The following UNC80 variants were observed in gnomAD, a reference collection of about 807,000 sequenced individuals.
UNC80 encodes the protein protein unc-80 homolog.
UNC80 carries 164 observed loss-of-function variants against 384.6 expected under a neutral mutation model. The observed-to-expected ratio is 0.43, with a 90% CI of 0.38 to 0.49. UNC80 has a LOEUF of 0.49. UNC80 is among the 20% of genes least tolerant of loss of function. The probability of loss-of-function intolerance (pLI) is 0.00; values close to 1 mark genes in which losing one functional copy is unlikely to be tolerated. For synonymous variants in UNC80, 1,486 were observed against 1,527.8 expected (o/e 0.97, Z 0.64); for missense variants, 3,330 against 4,143.0 (o/e 0.80, Z 5.39).
At chr2:209,939,730 T>C in intron 43 of UNC80, 78 bp downstream of exon 43, 2 of 1,318,488 alleles carry the variant, frequency 1.5e-6, no homozygotes, top group South Asian at 3.5e-5. Context: ...TTTATTATTA[T>C]TATACTTTAA....
chr2:209,965,562 G>A (rs367596869), intron 51 of UNC80, among the ~76,000 whole-genome samples: 9 of 151,362 alleles, frequency 5.9e-5, no homozygotes, highest in African/African-American at 1.9e-4. Flanking sequence ...TTGGGATTAC[G>A]GGTGCCCACC....
chr2:209,896,766 G>T (rs1258985625), intron 28 of UNC80, among the ~76,000 whole-genome samples: 1 of 152,048 alleles, frequency 6.6e-6, no homozygotes. Flanking sequence ...TTGAGAGCAC[G>T]GTCATGGTGT....
chr2:209,987,148 C>A (rs1426795183), intron 61 of UNC80, among the ~76,000 whole-genome samples: 1 of 152,126 alleles, frequency 6.6e-6, no homozygotes, highest in East Asian at 1.9e-4. Context: ...AACATTTTAC[C>A]AAACTTGCAT....
At chr2:209,947,929 A>ATAC (rs1478137967) in intron 47 of UNC80, among the ~76,000 whole-genome samples, 2 of 152,176 alleles carry the variant, frequency 1.3e-5, no homozygotes, top group Non-Finnish European at 2.9e-5. Flanking sequence ...CTGAAATAGT[A>ATAC]TAGTAGCTAC....
At chr2:209,877,884 T>C in intron 23 of UNC80, 70 bp from the exon 24 acceptor site, 2 of 1,418,190 alleles carry the variant, frequency 1.4e-6, no homozygotes, top group Non-Finnish European at 1.9e-6. Context: ...TTATGTCTGA[T>C]GTAATGTGAG....
intron 22 of UNC80, among the ~76,000 whole-genome samples, chr2:209,860,901 A>C (rs2083297331): frequency 6.6e-6 from 1 of 152,212 alleles, no homozygotes; most frequent in African/African-American, 2.4e-5. Flanking sequence ...TTGATTTTCT[A>C]TCCTGAGACT....
chr2:209,949,589 T>C (rs1374566746), intron 47 of UNC80, among the ~76,000 whole-genome samples: 1 of 152,106 alleles, frequency 6.6e-6, no homozygotes, highest in Non-Finnish European at 1.5e-5. Context: ...GCAATTCTCC[T>C]GCCTCTGCCT....
Position 209,921,706 on chromosome 2 carries a change from C to G in UNC80, c.5530+20C>G, listed in dbSNP as rs2090051286. On this transcript the variant is annotated intron_variant, in intron 34 of 64. Transcript: ENST00000673920. ...AAGAAGGTGCCCTCTGCACACAGGA[C>G]TTCTTGGGGGGCTGAGTCTCAGGGA... 1 of 1,521,560 alleles carries G rather than the reference C, an allele frequency of 6.6e-7. No homozygotes were observed. Among genetic ancestry groups the G allele is most frequent in the African/African-American group, 1.4e-5 (1 of 71,476 alleles). The allele number at this position is 1,521,560 out of a possible 1,614,324, so 94.3% of individuals were successfully genotyped here.
intron 17 of UNC80, among the ~76,000 whole-genome samples, 156 bp from the exon 18 acceptor site, chr2:209,834,756 G>A (rs1156406236): frequency 6.6e-6 from 1 of 152,190 alleles, no homozygotes; most frequent in Non-Finnish European, 1.5e-5. Context: ...AGTTAATGGT[G>A]CGGTATAAAT....
Position 209,839,282 on chromosome 2 carries a change from G to A in UNC80, c.3102G>A (p.Lys1034=). ...GRKDFWRKMF[K]SQSAASDTSS... ...AAGATTTCTGGCGTAAGATGTTCAA[G>A]TCCCAGAGTGCAGCAAGTGACACCA... is the stretch of plus-strand genomic sequence containing the variant. The change falls in exon 19 of 65, where the codon AAG becomes AAA. Residue 1034 remains lysine, a synonymous_variant. Transcript: ENST00000673920. The surrounding 1 kb of genome is among the most constrained non-coding windows in gnomAD (Gnocchi z 4.1). The A allele has an allele frequency of 1.3e-6, 2 of 1,551,628 alleles. No homozygotes were observed. The highest frequency in any genetic ancestry group is 1.4e-5 in the African/African-American group (1 of 73,122).
chr2:209,832,329 C>T (rs1380173625), intron 16 of UNC80, among the ~76,000 whole-genome samples: 1 of 151,936 alleles, frequency 6.6e-6, no homozygotes, highest in Non-Finnish European at 1.5e-5. Flanking sequence ...AAGGCTAGTG[C>T]TTAATTACCA....
At chr2:209,953,279 A>G (rs372487080) in intron 47 of UNC80, among the ~76,000 whole-genome samples, 18 of 151,992 alleles carry the variant, frequency 1.2e-4, no homozygotes, top group Middle Eastern at 3.4e-3. Flanking sequence ...TTATCCGGGC[A>G]TTGTAGTGAA....
chr2:209,811,960 C>T (rs1376234089), intron 7 of UNC80, among the ~76,000 whole-genome samples: 1 of 152,148 alleles, frequency 6.6e-6, no homozygotes, highest in Non-Finnish European at 1.5e-5. Flanking sequence ...TGTATTTTAC[C>T]AATGACTCAA....
At chr2:209,814,252 T>C (rs1005564297) in intron 8 of UNC80, among the ~76,000 whole-genome samples, 10 of 152,156 alleles carry the variant, frequency 6.6e-5, no homozygotes, top group African/African-American at 1.9e-4. Flanking sequence ...TTTTTTTTTT[T>C]TGAGATGAAG....
In UNC80 at chr2:209,922,342, G is replaced by A. The variant is rs1409318259; in HGVS notation, c.5621G>A (p.Arg1874His). 3 of 1,551,826 alleles carry A rather than the reference G, an allele frequency of 1.9e-6. No individual in the cohort carries two copies. Among genetic ancestry groups the A allele is most frequent in the Non-Finnish European group, 2.6e-6 (3 of 1,146,998 alleles). ...STSHRNYSFR[R>H]GSVWSVRSAV... Reference sequence around the variant, plus strand: ...TCCCACAGGAATTATTCCTTCCGCCGCGGGTCAGTCTGGTCAGTGCGTTCA... The same window carrying A: ...TCCCACAGGAATTATTCCTTCCGCCACGGGTCAGTCTGGTCAGTGCGTTCA... The change falls in exon 35 of 65, where the codon CGC becomes CAC. Residue 1874 changes from arginine (R) to histidine (H), a missense_variant. Arg to His is a conservative substitution (Grantham distance 29). Around this residue, in one of 8 missense-constraint regions of UNC80, gnomAD observed 1,049 missense variants for 1,488.6 expected, o/e 0.70. Coordinates refer to ENST00000673920, the MANE Select transcript of UNC80 (RefSeq NM_001371986.1).
chr2:209,969,555 T>G, intron 52 of UNC80: 1 of 554,662 alleles, frequency 1.8e-6, no homozygotes, highest in Non-Finnish European at 3.1e-6. Flanking sequence ...TTTTCTTCAA[T>G]AGATTTAGTC....
chr2:209,786,061 C>T lies in UNC80; in HGVS notation c.601-5C>T, dbSNP rs181537497. ...ATTGGACATATATCTTCTCCTCCCC[C>T]CTAGGAATCTGACCTCACCTTCCGT... is the stretch of plus-strand genomic sequence containing the variant. On this transcript the variant is annotated splice_polypyrimidine_tract_variant and splice_region_variant and intron_variant, in intron 4 of 64. Transcript: ENST00000673920. 5.6e-6 allele frequency: 9 copies of T among 1,612,812 alleles called. No homozygotes were observed. The highest frequency in any genetic ancestry group is 1.3e-5 in the African/African-American group (1 of 75,002).
At chr2:209,820,093 A>G (rs1429666325) in intron 12 of UNC80, among the ~76,000 whole-genome samples, 6 of 152,214 alleles carry the variant, frequency 3.9e-5, no homozygotes. Flanking sequence ...TAATACATGT[A>G]TATATTTTTA....
intron 38 of UNC80, among the ~76,000 whole-genome samples, chr2:209,932,515 C>G (rs570503124): frequency 3.3e-5 from 5 of 152,282 alleles, no homozygotes; most frequent in African/African-American, 1.2e-4. Flanking sequence ...TGTACCTGCC[C>G]CTTCCCCAGG....
Sources: gnomAD v4.1 joint callset for allele counts (sites outside exome capture counted in the v4.1 genomes callset) on GRCh38, gnomAD v4.1.1 for gene constraint, gnomAD v4.1.1 regional missense constraint, Gnocchi (gnomAD v3.1) non-coding constraint, MANE v1.5 for transcripts, NCBI Gene and HGNC (gene_info 2026-07-23, HGNC 2026-07-21) for gene names.